API5: variants seen among roughly 807,000 people sequenced by gnomAD.
API5 encodes FIF.
In API5, 6 loss-of-function variants were observed where a neutral mutation model predicts 71.9. That is an observed-to-expected ratio of 0.08 (90% CI 0.05 to 0.16). The LOEUF (loss-of-function observed/expected upper bound fraction) is 0.16. API5 is among the 10% of genes least tolerant of loss of function. The probability of loss-of-function intolerance (pLI) is 1.00; values close to 1 mark genes in which losing one functional copy is unlikely to be tolerated. For synonymous variants in API5, 189 were observed against 221.3 expected (o/e 0.85, Z 1.30); for missense variants, 332 against 612.8 (o/e 0.54, Z 4.84).
At chr11:43,333,140 T>C (rs576795053) in intron 11 of API5, among the ~76,000 whole-genome samples, 1 of 152,272 alleles carries the variant, frequency 6.6e-6, no homozygotes, top group African/African-American at 2.4e-5. Flanking sequence ...ATGCAGTCAA[T>C]ACAGGCCTTC....
chr11:43,321,523 C>A, intron 4 of API5, 47 bp downstream of exon 4: 1 of 1,414,082 alleles, frequency 7.1e-7, no homozygotes, highest in Non-Finnish European at 9.9e-7. Flanking sequence ...CTTACAGAAT[C>A]ACAAAGTTAG....
chr11:43,326,355 A>G (rs1855073248), intron 6 of API5, 152 bp from the exon 7 acceptor site: 2 of 474,472 alleles, frequency 4.2e-6, no homozygotes, highest in Non-Finnish European at 7.5e-6. Context: ...TATTGAGGTT[A>G]TATCTGGGGC....
At chr11:43,319,429 C>A (rs1228758192) in intron 2 of API5, among the ~76,000 whole-genome samples, 1 of 152,066 alleles carries the variant, frequency 6.6e-6, no homozygotes, top group Non-Finnish European at 1.5e-5. Flanking sequence ...AAACCCTATA[C>A]TTTTTTTGCT....
chr11:43,316,645 C>G (rs1854681166), intron 1 of API5, among the ~76,000 whole-genome samples: 1 of 152,088 alleles, frequency 6.6e-6, no homozygotes, highest in African/African-American at 2.4e-5. Flanking sequence ...TTCTTTGAGA[C>G]AGGGTCTTGC....
At chr11:43,325,771 C>T (rs1427135157) in intron 6 of API5, among the ~76,000 whole-genome samples, 1 of 152,030 alleles carries the variant, frequency 6.6e-6, no homozygotes, top group Non-Finnish European at 1.5e-5. Flanking sequence ...CAATGGCTGC[C>T]AGGAAGTGAA....
At chr11:43,331,684 G>A (rs1398409379) in intron 11 of API5, among the ~76,000 whole-genome samples, 4 of 152,108 alleles carry the variant, frequency 2.6e-5, no homozygotes, top group Non-Finnish European at 5.9e-5. Context: ...GTATAAGTGA[G>A]ACCATGTAGT....
intron 6 of API5, among the ~76,000 whole-genome samples, chr11:43,325,334 A>G (rs1203867642): frequency 6.6e-6 from 1 of 152,206 alleles, no homozygotes; most frequent in Non-Finnish European, 1.5e-5. Flanking sequence ...TTGATGCTTT[A>G]TGAAAAGTTT....
chr11:43,329,074 G>A, intron 9 of API5, 181 bp downstream of exon 9: 1 of 626,142 alleles, frequency 1.6e-6, no homozygotes, highest in Non-Finnish European at 2.7e-6. Context: ...AGGCATGGTG[G>A]CTCACGTCTG....
chr11:43,331,582 G>A (rs368846394), intron 11 of API5, among the ~76,000 whole-genome samples: 5 of 152,274 alleles, frequency 3.3e-5, no homozygotes, highest in African/African-American at 9.6e-5. Context: ...TGGAGAAAGA[G>A]GAGGGGTTGG....
chr11:43,313,205 G>C (rs1395383087), intron 1 of API5, among the ~76,000 whole-genome samples: 1 of 152,002 alleles, frequency 6.6e-6, no homozygotes, highest in Non-Finnish European at 1.5e-5. Flanking sequence ...GTGTGAGTGC[G>C]CAGCTCTGAA....
intron 2 of API5, 62 bp downstream of exon 2, chr11:43,318,863 A>G (rs1408862596): frequency 2.0e-6 from 3 of 1,500,864 alleles, no homozygotes; most frequent in Non-Finnish European, 2.7e-6. Context: ...GGCTGATACA[A>G]TTGGAGTAGC....
At chr11:43,322,918 T>C (rs1479877236) in intron 5 of API5, among the ~76,000 whole-genome samples, 1 of 152,212 alleles carries the variant, frequency 6.6e-6, no homozygotes, top group African/African-American at 2.4e-5. Context: ...TAGAAAGATT[T>C]AGACCCACTG....
intron 11 of API5, among the ~76,000 whole-genome samples, chr11:43,331,104 C>T (rs61883512): frequency 0.17 from 26,032 of 152,104 alleles, 2,939 homozygotes; most frequent in Non-Finnish European, 0.24. Flanking sequence ...ATTTGTAACA[C>T]CTAGAGCAGT....
At chr11:43,340,719 T>G (rs1361236701) in intron 13 of API5, among the ~76,000 whole-genome samples, 1 of 150,824 alleles carries the variant, frequency 6.6e-6, no homozygotes, top group African/African-American at 2.4e-5. Context: ...TAAATGGTGC[T>G]GAGAAAACTG....
intron 13 of API5, among the ~76,000 whole-genome samples, chr11:43,339,058 A>G (rs906329531): frequency 6.6e-6 from 1 of 152,198 alleles, no homozygotes; most frequent in Non-Finnish European, 1.5e-5. Context: ...CACTAGGATA[A>G]TAAACACAAT....
At chr11:43,339,008 T>C (rs377759696) in intron 13 of API5, among the ~76,000 whole-genome samples, 4 of 152,300 alleles carry the variant, frequency 2.6e-5, no homozygotes, top group African/African-American at 9.6e-5. Context: ...TGGGAGCATC[T>C]TGCCCTCAGA....
At chr11:43,321,313 T>A in intron 3 of API5, 98 bp from the exon 4 acceptor site, 1 of 1,010,288 alleles carries the variant, frequency 9.9e-7, no homozygotes, top group East Asian at 2.5e-5. Flanking sequence ...TTCCTGTCAA[T>A]GTAACCTTGA....
intron 3 of API5, 123 bp from the exon 4 acceptor site, chr11:43,321,288 G>A (rs1231144815): frequency 1.2e-6 from 1 of 826,126 alleles, no homozygotes; most frequent in African/African-American, 1.8e-5. Flanking sequence ...TGAGGGAATG[G>A]CTTAAGTTAT....
In API5 at chr11:43,342,777, T is replaced by C; in HGVS notation, c.*267T>C. 1 of 608,708 alleles carries C rather than the reference T, an allele frequency of 1.6e-6. No individual in the cohort carries two copies. The highest frequency in any genetic ancestry group is 2.9e-6 in the Non-Finnish European group (1 of 341,678). The allele number at this position is 608,708 out of a possible 1,614,324, so 37.7% of individuals were successfully genotyped here. Reference sequence around the variant, plus strand: ...TATTCAGACTTCAAATTGTGAATCTTTTAAACATCTTGATAATTTGTTGTT... The same window carrying C: ...TATTCAGACTTCAAATTGTGAATCTCTTAAACATCTTGATAATTTGTTGTT... On this transcript the variant is annotated 3_prime_UTR_variant, in exon 14 of 14. Coordinates refer to ENST00000531273, the MANE Select transcript of API5 (RefSeq NM_001142930.2).
Sources: allele counts gnomAD v4.1 joint callset (sites outside exome capture counted in the v4.1 genomes callset), GRCh38; gene constraint gnomAD v4.1.1; transcripts MANE v1.5; gene names NCBI Gene and HGNC (gene_info 2026-07-23, HGNC 2026-07-21).